The following SPATA4 variants were observed in gnomAD, a reference collection of about 807,000 sequenced individuals.
SPATA4 encodes the protein spermatogenesis associated 4.
In SPATA4, 35 loss-of-function variants were observed where a neutral mutation model predicts 31.8. The observed-to-expected ratio is 1.10, with a 90% CI of 0.84 to 1.46. The LOEUF (loss-of-function observed/expected upper bound fraction) is 1.46, where lower values mean the gene tolerates loss of function less well. Ranked by LOEUF, SPATA4 falls within the 40% of genes most tolerant of loss-of-function variation. The probability of loss-of-function intolerance (pLI) is 0.00; values close to 1 mark genes in which losing one functional copy is unlikely to be tolerated. For missense variants in SPATA4, 394 were observed against 363.1 expected (o/e 1.09, Z -0.69); for synonymous variants, 126 against 132.4 (o/e 0.95, Z 0.33).
chr4:176,187,957 C>G (rs1035317746), intron 5 of SPATA4, among the ~76,000 whole-genome samples, 162 bp downstream of exon 5: 1 of 152,168 alleles, frequency 6.6e-6, no homozygotes, highest in Non-Finnish European at 1.5e-5. Flanking sequence ...CACATGTTCC[C>G]TTCACTTATC....
At position 176,195,543 on chromosome 4, in the gene SPATA4, T is replaced by C. The variant is rs768024948; in HGVS notation, c.20A>G (p.Glu7Gly). 1 of 1,614,144 alleles carries C rather than the reference T, an allele frequency of 6.2e-7. No homozygotes were observed. Among genetic ancestry groups the C allele is most frequent in the African/African-American group, 1.3e-5 (1 of 75,058 alleles). The change falls in exon 1 of 6, where the codon GAA (glutamate) becomes GGA (glycine). Residue 7 changes from glutamate (E) to glycine (G), a missense_variant. Transcript: ENST00000280191. MAAAGQ[E>G]KGYLTQTAAA... The stretch of plus-strand genomic sequence containing the variant: ...CGCAGTCTGTGTCAAATACCCTTTT[T>C]CCTGGCCGGCGGCAGCCATGACGCT...
rs1164117724 is a variant in SPATA4, at chr4:176,193,439, G to C, written c.348+14C>G. 6.2e-7 allele frequency: 1 copy of C among 1,606,326 alleles called. No homozygotes were observed. Among genetic ancestry groups the C allele is most frequent in the Non-Finnish European group, 8.5e-7 (1 of 1,178,110 alleles). ...CATCTTAACAGTTAAAAGTGTAAAT[G>C]ACTGCTAACGTACCTTCTCCAACTG... is the stretch of plus-strand genomic sequence containing the variant. On this transcript the variant is annotated intron_variant, in intron 2 of 5. Coordinates refer to ENST00000280191, the MANE Select transcript of SPATA4 (RefSeq NM_144644.4).
chr4:176,188,061 A>G, intron 5 of SPATA4, 58 bp downstream of exon 5: 1 of 1,269,018 alleles, frequency 7.9e-7, no homozygotes, highest in Non-Finnish European at 1.1e-6. Flanking sequence ...TAAAACTTTA[A>G]TTGAAGAAAG....
At chr4:176,192,387 T>C (rs888455823) in intron 4 of SPATA4, among the ~76,000 whole-genome samples, 2 of 152,248 alleles carry the variant, frequency 1.3e-5, no homozygotes, top group Non-Finnish European at 1.5e-5. Flanking sequence ...CATACACATA[T>C]ACGTTTCTAA....
chr4:176,189,067 T>C (rs1752488426), intron 4 of SPATA4, among the ~76,000 whole-genome samples: 1 of 152,214 alleles, frequency 6.6e-6, no homozygotes, highest in Admixed American at 6.5e-5. Context: ...AGATGATCTG[T>C]AGTTAAAGAA....
chr4:176,193,662 A>G, intron 1 of SPATA4, 80 bp from the exon 2 acceptor site: 1 of 1,334,154 alleles, frequency 7.5e-7, no homozygotes, highest in South Asian at 1.6e-5. Context: ...ATACTAGTCT[A>G]ATATTCCATA....
At chr4:176,191,969 G>A (rs947243702) in intron 4 of SPATA4, among the ~76,000 whole-genome samples, 13 of 152,158 alleles carry the variant, frequency 8.5e-5, no homozygotes, top group African/African-American at 2.9e-4. Context: ...GAAATGATGC[G>A]GTCTCTAGAT....
chr4:176,188,752 C>T (rs1251801000), intron 4 of SPATA4, among the ~76,000 whole-genome samples: 2 of 152,108 alleles, frequency 1.3e-5, no homozygotes, highest in Non-Finnish European at 2.9e-5. Flanking sequence ...AAATTATTTC[C>T]ATGTTTCCCA....
chr4:176,190,247 A>AT (rs201100972), intron 4 of SPATA4, among the ~76,000 whole-genome samples: 4,581 of 152,210 alleles, frequency 0.03, 95 homozygotes, highest in Middle Eastern at 0.075. Context: ...ATAAGACGAT[A>AT]GGGGGGTGGT....
chr4:176,195,497 C>G lies in SPATA4; in HGVS notation c.66G>C (p.Pro22=). The change falls in exon 1 of 6, where the codon CCG becomes CCC. Residue 22 remains proline (P), a synonymous_variant. Transcript: ENST00000280191. The stretch of plus-strand genomic sequence containing the variant: ...GAGCTGCTAGCTGTGGCGAAAGTGA[C>G]GGTGACTTGTCTAGGGCTGCCGCAG... ...TQTAAALDKS[P]SLSPQLAAPI... 1.9e-6 allele frequency: 3 copies of G among 1,614,262 alleles called. No individual in the cohort carries two copies. Among genetic ancestry groups the G allele is most frequent in the Non-Finnish European group, 2.5e-6 (3 of 1,180,046 alleles).
Position 176,195,506 on chromosome 4 carries a change from G to A in SPATA4, c.57C>T (p.Asp19=). ...GYLTQTAAAL[D]KSPSLSPQLA... ...GCTGTGGCGAAAGTGACGGTGACTT[G>A]TCTAGGGCTGCCGCAGTCTGTGTCA... Residue 19 remains aspartate (D), a synonymous_variant, in exon 1 of 6, where the codon GAC becomes GAT. Coordinates refer to ENST00000280191, the MANE Select transcript of SPATA4 (RefSeq NM_144644.4). 6.2e-7 allele frequency: 1 copy of A among 1,614,266 alleles called. No homozygotes were observed. The highest frequency in any genetic ancestry group is 8.5e-7 in the Non-Finnish European group (1 of 1,180,040).
rs1230235659 is a variant in SPATA4 at position 176,187,696 on chromosome 4, G to A, written c.805+423C>T. ...TTTGGACCATGGGCTACAGTTTCCTGTAGTATAAATGCTTTCTGAATTAAC... is the reference window on the plus strand; with the variant it reads ...TTTGGACCATGGGCTACAGTTTCCTATAGTATAAATGCTTTCTGAATTAAC... On this transcript the variant is annotated intron_variant, in intron 5 of 5. Transcript: ENST00000280191. 2.0e-5 allele frequency among the ~76,000 whole-genome samples: 3 copies of A among 152,222 alleles called. No homozygotes were observed. The East Asian group carries it at 5.8e-4, about 29-fold the overall frequency.
chr4:176,189,218 G>A (rs1752490323), intron 4 of SPATA4, among the ~76,000 whole-genome samples: 1 of 152,170 alleles, frequency 6.6e-6, no homozygotes, highest in African/African-American at 2.4e-5. Flanking sequence ...GAACTGAAAG[G>A]AGGTGAAGGG....
intron 4 of SPATA4, among the ~76,000 whole-genome samples, chr4:176,191,236 C>T (rs1267495868): frequency 1.3e-5 from 2 of 151,928 alleles, no homozygotes; most frequent in Non-Finnish European, 2.9e-5. Flanking sequence ...GCTGGGATTA[C>T]AGGCACACGC....
intron 5 of SPATA4, among the ~76,000 whole-genome samples, chr4:176,187,072 TA>T (rs1267889478): frequency 6.6e-6 from 1 of 152,192 alleles, no homozygotes; most frequent in Non-Finnish European, 1.5e-5. Flanking sequence ...GAATAATTTT[TA>T]GTAAAAGTGT....
intron 3 of SPATA4, 38 bp from the exon 4 acceptor site, chr4:176,192,885 T>A: frequency 6.3e-7 from 1 of 1,596,044 alleles, no homozygotes; most frequent in South Asian, 1.1e-5. Flanking sequence ...ACAAGCAACA[T>A]TTTAGCAATG....
Position 176,195,388 on chromosome 4 carries a change from G to C in SPATA4, c.175C>G (p.Leu59Val). Residue 59 changes from leucine to valine, a missense_variant, in exon 1 of 6, where the codon CTT becomes GTT. Coordinates refer to ENST00000280191, the MANE Select transcript of SPATA4 (RefSeq NM_144644.4). ...SRLSRSVLRWLQGLDLSFFPR... is the reference protein window; with the variant it reads ...SRLSRSVLRWVQGLDLSFFPR... ...AAGAAGCTGAGATCCAGACCCTGAA[G>C]CCAACGCAGAACGGAACGAGACAAG... The C allele has an allele frequency of 1.2e-6, 2 of 1,614,208 alleles. No homozygotes were observed. Among genetic ancestry groups the C allele is most frequent in the Non-Finnish European group, 8.5e-7 (1 of 1,180,044 alleles).
rs997846597 is a variant in SPATA4 at position 176,195,467 on chromosome 4, G to C, written c.96C>G (p.Ile32Met). 4 of 1,614,158 alleles carry C rather than the reference G, an allele frequency of 2.5e-6. No individual in the cohort carries two copies. Among genetic ancestry groups the C allele is most frequent in the Non-Finnish European group, 3.4e-6 (4 of 1,180,052 alleles). The change falls in exon 1 of 6, where the codon ATC (isoleucine) becomes ATG (methionine). Residue 32 changes from isoleucine (I) to methionine (M), a missense_variant. Physicochemically the swap from Ile to Met is conservative, Grantham distance 10. Transcript: ENST00000280191. ...CCAGACACTTCTTAGGCCTCCCTCG[G>C]ATGGGAGCTGCTAGCTGTGGCGAAA... ...PSLSPQLAAP[I>M]RGRPKKCLVY...
intron 1 of SPATA4, chr4:176,194,381 GTGTGA>G (rs11279960): frequency 0.65 from 98,402 of 151,242 alleles, 32,138 homozygotes; most frequent in East Asian, 0.83. Flanking sequence ...CAGCCACAGT[GTGTGA>G]TAAGTGCTTA....
Sources: gnomAD v4.1 joint callset for allele counts (sites outside exome capture counted in the v4.1 genomes callset) on GRCh38, gnomAD v4.1.1 for gene constraint, MANE v1.5 for transcripts, NCBI Gene and HGNC (gene_info 2026-07-23, HGNC 2026-07-21) for gene names.